Variants in IREB2 observed in about 807,000 individuals in gnomAD.
The protein encoded by IREB2 is iron responsive element binding protein 2, also known as iron-responsive element-binding protein 2.
IREB2 carries 39 observed loss-of-function variants against 118.8 expected under a neutral mutation model. The ratio of observed to expected loss-of-function variants is 0.33; its 90% CI spans 0.25 to 0.43. The LOEUF (loss-of-function observed/expected upper bound fraction) is 0.43, where lower values mean the gene tolerates loss of function less well. IREB2 is among the 20% of genes least tolerant of loss of function. IREB2 has a pLI of 1.00. For synonymous variants in IREB2, 372 were observed against 392.2 expected, an observed-to-expected ratio of 0.95 and a Z score of 0.61; for missense variants, 900 against 1,147.3, an observed-to-expected ratio of 0.78 and a Z score of 3.11.
intron 2 of IREB2, among the ~76,000 whole-genome samples, chr15:78,446,992 A>T (rs1567162325): frequency 6.6e-6 from 1 of 152,116 alleles, no homozygotes; most frequent in Non-Finnish European, 1.5e-5. Flanking sequence ...AAGAAAAAAA[A>T]CTTTCTTCTA....
rs144396861 is a variant in IREB2 at position 78,480,731 on chromosome 15, C to T, written c.1296+2334C>T. ...ATGTCTGGCCGGGCGTGGTGGCTCA[C>T]GCCTGTAATCCTAGCACTTTGGGAG... On this transcript the variant is annotated intron_variant, in intron 10 of 21. Transcript: ENST00000258886. 6.9e-3 allele frequency among the ~76,000 whole-genome samples: 1,015 copies of T among 146,732 alleles called. 10 individuals are homozygous for T. Among genetic ancestry groups the T allele is most frequent in the African/African-American group, 0.022 (856 of 39,616 alleles).
chr15:78,443,573 C>T lies in IREB2; in HGVS notation c.106+3692C>T, dbSNP rs571855212. Among the ~76,000 whole-genome samples the T allele has an allele frequency of 2.0e-5, 3 of 152,076 alleles. No individual in the cohort carries two copies. The East Asian group carries it at 5.8e-4, about 29-fold the overall frequency. On this transcript the variant is annotated intron_variant, in intron 2 of 21. Coordinates refer to ENST00000258886, the MANE Select transcript of IREB2 (RefSeq NM_004136.4). The stretch of plus-strand genomic sequence containing the variant: ...TCTTAGACATTGATTACATTTTGAT[C>T]TTGTATGATTTTGCTTGTGGGGAAT...
upstream of IREB2, chr15:78,438,135 C>T (rs1179985815): frequency 1.1e-5 from 6 of 569,910 alleles, 1 homozygote; most frequent in South Asian, 6.4e-5. Context: ...TTTTCCTGTC[C>T]GACGATCTCG....
intron 2 of IREB2, among the ~76,000 whole-genome samples, chr15:78,458,057 A>G (rs1567166921): frequency 6.6e-6 from 1 of 152,168 alleles, no homozygotes; most frequent in East Asian, 1.9e-4. Context: ...TATTCTTCAC[A>G]TCTCTGTTAG....
chr15:78,487,651 T>C (rs2051682037), intron 13 of IREB2, 82 bp from the exon 14 acceptor site: 1 of 772,052 alleles, frequency 1.3e-6, no homozygotes, highest in African/African-American at 1.7e-5. Context: ...CTTATTACAG[T>C]GATAGAAATA....
chr15:78,469,438 G>A (rs562442345), intron 5 of IREB2, among the ~76,000 whole-genome samples: 1 of 151,714 alleles, frequency 6.6e-6, no homozygotes, highest in Non-Finnish European at 1.5e-5. Flanking sequence ...AAAAAAAGTT[G>A]TCCGAGTGTG....
intron 2 of IREB2, 47 bp downstream of exon 2, chr15:78,439,928 GA>G: frequency 8.7e-7 from 1 of 1,145,398 alleles, no homozygotes; most frequent in Non-Finnish European, 1.3e-6. Flanking sequence ...CTCTAATAAT[GA>G]AAATGCATTT....
At chr15:78,451,186 G>A (rs1346719714) in intron 2 of IREB2, among the ~76,000 whole-genome samples, 4 of 151,958 alleles carry the variant, frequency 2.6e-5, no homozygotes, top group African/African-American at 4.8e-5. Context: ...GGCTGGTCTC[G>A]AACTCCTGAC....
intron 20 of IREB2, 71 bp from the exon 21 acceptor site, chr15:78,497,055 T>C: frequency 1.1e-5 from 13 of 1,141,124 alleles, no homozygotes; most frequent in Non-Finnish European, 1.7e-5. Flanking sequence ...AGTAGATTTT[T>C]GCCCCCTTTA....
chr15:78,493,329 C>G (rs1449737066), intron 18 of IREB2, among the ~76,000 whole-genome samples: 1 of 152,148 alleles, frequency 6.6e-6, no homozygotes, highest in Non-Finnish European at 1.5e-5. Context: ...TACAGTCAGC[C>G]TTGCAGAAGC....
intron 2 of IREB2, among the ~76,000 whole-genome samples, chr15:78,447,992 A>T (rs914934293): frequency 6.6e-6 from 1 of 152,244 alleles, no homozygotes; most frequent in South Asian, 2.1e-4. Flanking sequence ...CCCACCAGCA[A>T]TTGGTATAGA....
At chr15:78,470,305 T>C (rs565798668) in intron 5 of IREB2, among the ~76,000 whole-genome samples, 1 of 152,350 alleles carries the variant, frequency 6.6e-6, no homozygotes, top group South Asian at 2.1e-4. Context: ...TGTGGCTTTC[T>C]TACACTCAGT....
chr15:78,454,796 G>T (rs1444755030), intron 2 of IREB2, among the ~76,000 whole-genome samples: 1 of 152,178 alleles, frequency 6.6e-6, no homozygotes, highest in Non-Finnish European at 1.5e-5. Context: ...TGGGCTCAAG[G>T]GAGCCTCCCG....
chr15:78,467,361 G>T (rs1468009152), intron 5 of IREB2, among the ~76,000 whole-genome samples: 1 of 152,134 alleles, frequency 6.6e-6, no homozygotes, highest in Non-Finnish European at 1.5e-5. Flanking sequence ...CTAGGATTTG[G>T]CTAGATTTCC....
At chr15:78,476,888 A>C (rs2051480838) in intron 9 of IREB2, among the ~76,000 whole-genome samples, 1 of 152,268 alleles carries the variant, frequency 6.6e-6, no homozygotes, top group South Asian at 2.1e-4. Flanking sequence ...AACAGAAAGT[A>C]TCTACAAAAC....
At chr15:78,476,454 A>T (rs988458502) in intron 9 of IREB2, 95 bp downstream of exon 9, 1 of 857,444 alleles carries the variant, frequency 1.2e-6, no homozygotes, top group African/African-American at 1.7e-5. Flanking sequence ...GTTATTTACT[A>T]TTCACAAAAT....
intron 10 of IREB2, among the ~76,000 whole-genome samples, chr15:78,482,219 G>A (rs1047299323): frequency 6.6e-6 from 1 of 152,262 alleles, no homozygotes; most frequent in Middle Eastern, 3.4e-3. Context: ...AACAGAGTGA[G>A]ACCCTTTCAC....
rs1284553793 is a variant in IREB2 at position 78,446,054 on chromosome 15, G to A, written c.106+6173G>A. 2.0e-5 allele frequency among the ~76,000 whole-genome samples: 3 copies of A among 152,174 alleles called. No individual in the cohort carries two copies. The East Asian group carries it at 5.8e-4, about 29-fold the overall frequency. On this transcript the variant is annotated intron_variant, in intron 2 of 21. Transcript: ENST00000258886. ...CTGCCTCAGCCTCCCAAAGTGCTGGGGTTACAGGTGTGATCCATTGTATCC... is the reference window on the plus strand; with the variant it reads ...CTGCCTCAGCCTCCCAAAGTGCTGGAGTTACAGGTGTGATCCATTGTATCC...
At chr15:78,450,033 C>T (rs2050997250) in intron 2 of IREB2, among the ~76,000 whole-genome samples, 1 of 151,990 alleles carries the variant, frequency 6.6e-6, no homozygotes, top group African/African-American at 2.4e-5. Flanking sequence ...AAGAGGCAGA[C>T]GTAATCCAGT....
Sources: gnomAD v4.1 joint callset for allele counts (sites outside exome capture counted in the v4.1 genomes callset) on GRCh38, gnomAD v4.1.1 for gene constraint, MANE v1.5 for transcripts, NCBI Gene and HGNC (gene_info 2026-07-23, HGNC 2026-07-21) for gene names.